Variants in ADCY9 observed in about 807,000 individuals in gnomAD.
ADCY9 encodes adenylate cyclase type 9.
In ADCY9, 50 loss-of-function variants were observed where a neutral mutation model predicts 101.5. The observed-to-expected ratio is 0.49, with a 90% CI of 0.39 to 0.62. The LOEUF is 0.62. Ranked by LOEUF, ADCY9 falls within the 20% of genes least tolerant of loss-of-function variation. ADCY9 has a pLI of 0.00. For synonymous variants in ADCY9, 905 were observed against 769.3 expected (o/e 1.18, Z -2.92); for missense variants, 1,662 against 1,800.4 (o/e 0.92, Z 1.39).
intron 2 of ADCY9, among the ~76,000 whole-genome samples, chr16:4,105,297 A>G (rs538071823): frequency 1.8e-4 from 28 of 152,260 alleles, no homozygotes; most frequent in Admixed American, 3.3e-4. Context: ...AATTTCTAAT[A>G]CTGTAAATAT....
At chr16:3,985,097 G>A (rs1401759624) in intron 6 of ADCY9, among the ~76,000 whole-genome samples, 2 of 151,900 alleles carry the variant, frequency 1.3e-5, no homozygotes, top group African/African-American at 4.8e-5. Flanking sequence ...AATCCCCTCA[G>A]AAGGTGTGGG....
Position 3,966,261 on chromosome 16 carries a change from G to A in ADCY9, c.3576C>T (p.Asn1192=). 2 of 1,614,230 alleles carry A rather than the reference G, an allele frequency of 1.2e-6. No individual in the cohort carries two copies. The highest frequency in any genetic ancestry group is 1.7e-6 in the Non-Finnish European group (2 of 1,180,050). Reference sequence around the variant, plus strand: ...CGGTGGTGTCCATCCTGCTGGCGATGTTGACGGTGTCTCCCCAGATGTCGT... The same window carrying A: ...CGGTGGTGTCCATCCTGCTGGCGATATTGACGGTGTCTCCCCAGATGTCGT... ...LLYDIWGDTV[N]IASRMDTTGV... is the part of the protein sequence containing the mutation. The change falls in exon 11 of 11, where the codon AAC becomes AAT. Residue 1192 remains asparagine, a synonymous_variant. Coordinates refer to ENST00000294016, the MANE Select transcript of ADCY9 (RefSeq NM_001116.4).
intron 6 of ADCY9, among the ~76,000 whole-genome samples, chr16:3,987,502 A>C (rs896923447): frequency 2.4e-4 from 36 of 152,184 alleles, no homozygotes; most frequent in Non-Finnish European, 1.0e-4. Context: ...TGGTAAAAGG[A>C]GGATAATCAT....
intron 2 of ADCY9, among the ~76,000 whole-genome samples, chr16:4,075,406 TG>T (rs1490553095): frequency 6.6e-6 from 1 of 152,218 alleles, no homozygotes; most frequent in Non-Finnish European, 1.5e-5. Flanking sequence ...CCCAAAGTGC[TG>T]GGATTACAGG....
intron 2 of ADCY9, among the ~76,000 whole-genome samples, chr16:4,110,041 G>A (rs1331782488): frequency 1.3e-5 from 2 of 152,098 alleles, no homozygotes; most frequent in Non-Finnish European, 2.9e-5. Context: ...CACCTGGAGA[G>A]CCACAGCCTG....
intron 10 of ADCY9, among the ~76,000 whole-genome samples, chr16:3,974,454 G>A (rs572061090): frequency 2.0e-5 from 3 of 152,282 alleles, no homozygotes; most frequent in Admixed American, 6.5e-5. Flanking sequence ...TGACTGTAAT[G>A]TCTTATTAAA....
chr16:3,971,514 A>G (rs1032384435), intron 10 of ADCY9, among the ~76,000 whole-genome samples: 1 of 152,194 alleles, frequency 6.6e-6, no homozygotes, highest in Non-Finnish European at 1.5e-5. Flanking sequence ...GTGAACTGCT[A>G]TTGAAACAGA....
At chr16:3,958,477 T>A (rs2055919475), downstream of ADCY9, among the ~76,000 whole-genome samples, 1 of 142,516 alleles carries the variant, frequency 7.0e-6, no homozygotes, top group Non-Finnish European at 1.5e-5. Flanking sequence ...GAGGTGGAGG[T>A]TGCAGTGAGC....
chr16:3,998,705 T>A, intron 3 of ADCY9, among the ~76,000 whole-genome samples: 2 of 22,396 alleles, frequency 8.9e-5, no homozygotes, highest in Non-Finnish European at 1.6e-4. Context: ...CAAAACTCTG[T>A]CTCAAAAAAA....
intron 5 of ADCY9, among the ~76,000 whole-genome samples, chr16:3,989,372 TTTTTTGGGG>T (rs2056225203): frequency 6.6e-6 from 1 of 150,396 alleles, no homozygotes; most frequent in South Asian, 2.1e-4. Flanking sequence ...AGAACCTTGG[TTTTTTGGGG>T]TTTTTTTTTT....
At chr16:4,090,968 T>C (rs192062457) in intron 2 of ADCY9, among the ~76,000 whole-genome samples, 40 of 152,180 alleles carry the variant, frequency 2.6e-4, no homozygotes, top group African/African-American at 9.4e-4. Flanking sequence ...GCCAGCCACA[T>C]CTATGACCAA....
At chr16:4,066,231 T>C (rs2056800551) in intron 2 of ADCY9, among the ~76,000 whole-genome samples, 1 of 152,210 alleles carries the variant, frequency 6.6e-6, no homozygotes, top group South Asian at 2.1e-4. Flanking sequence ...TTTTAAGAAG[T>C]CTTAAATAGT....
intron 2 of ADCY9, among the ~76,000 whole-genome samples, chr16:4,104,984 G>A (rs1266431798): frequency 6.6e-6 from 1 of 151,176 alleles, no homozygotes; most frequent in African/African-American, 2.4e-5. Flanking sequence ...CAGGAGAATC[G>A]CTTGAACCCA....
rs78284861 is a variant in ADCY9 at position 4,096,063 on chromosome 16, T to G, written c.1693+17687A>C. ...GAAACGTGATCCTCAGGAAACCATGTGTAAATTATACTTCTAGAACTCAAT... is the reference window on the plus strand; with the variant it reads ...GAAACGTGATCCTCAGGAAACCATGGGTAAATTATACTTCTAGAACTCAAT... On this transcript the variant is annotated intron_variant, in intron 2 of 10. Transcript: ENST00000294016. Among the ~76,000 whole-genome samples, 35 of 151,966 alleles carry G rather than the reference T, an allele frequency of 2.3e-4. 3 individuals carry two copies. The highest frequency in any genetic ancestry group is 2.1e-3 in the East Asian group (11 of 5,156).
chr16:4,030,293 G>A (rs1240457490), intron 2 of ADCY9, among the ~76,000 whole-genome samples: 2 of 152,164 alleles, frequency 1.3e-5, no homozygotes, highest in African/African-American at 4.8e-5. Context: ...TGGATACGTT[G>A]TGATATGACC....
intron 9 of ADCY9, among the ~76,000 whole-genome samples, chr16:3,976,849 G>A (rs1159303281): frequency 6.6e-6 from 1 of 152,152 alleles, no homozygotes; most frequent in East Asian, 1.9e-4. Flanking sequence ...GTAGAGACGG[G>A]GTTTCACCAT....
At chr16:4,044,829 C>T (rs1349241078) in intron 2 of ADCY9, among the ~76,000 whole-genome samples, 1 of 152,118 alleles carries the variant, frequency 6.6e-6, no homozygotes, top group Non-Finnish European at 1.5e-5. Flanking sequence ...TCCAGGCAGG[C>T]GGAGGGACTC....
At chr16:4,026,640 C>A (rs2056517408) in intron 2 of ADCY9, among the ~76,000 whole-genome samples, 1 of 152,164 alleles carries the variant, frequency 6.6e-6, no homozygotes, top group Non-Finnish European at 1.5e-5. Context: ...TCCCTCCCCA[C>A]AATGGGGCAC....
chr16:4,068,143 C>G (rs2056811714), intron 2 of ADCY9, among the ~76,000 whole-genome samples: 1 of 152,144 alleles, frequency 6.6e-6, no homozygotes. Context: ...CATACCCAGA[C>G]AAGCTCATAT....
Sources: gnomAD v4.1 joint callset for allele counts (sites outside exome capture counted in the v4.1 genomes callset) on GRCh38, gnomAD v4.1.1 for gene constraint, MANE v1.5 for transcripts, NCBI Gene and HGNC (gene_info 2026-07-23, HGNC 2026-07-21) for gene names.